TIAM2: variants seen among roughly 807,000 people sequenced by gnomAD.
TIAM2 encodes TIAM Rac1 associated GEF 2.
Under a neutral mutation model 152.9 loss-of-function variants are expected in TIAM2, and 80 were observed. That is an observed-to-expected ratio of 0.52 (90% CI 0.44 to 0.63). TIAM2 has a LOEUF of 0.63. Among genes scored for constraint, TIAM2 ranks in the 30% least tolerant of loss-of-function variants. The pLI, the probability that TIAM2 is intolerant of heterozygous loss-of-function variation, is 0.00. For synonymous variants in TIAM2, 804 were observed against 838.0 expected (o/e 0.96, Z 0.70); for missense variants, 1,965 against 2,120.1 (o/e 0.93, Z 1.44).
At chr6:155,250,518 T>C (rs1783590876) in intron 21 of TIAM2, 1 of 1,534,112 alleles carries the variant, frequency 6.5e-7, no homozygotes, top group Admixed American at 2.0e-5. Context: ...CCAGTTTCAA[T>C]GCTGGTGCTC....
chr6:155,175,205 G>A (rs11961049), intron 9 of TIAM2, among the ~76,000 whole-genome samples: 15,986 of 152,178 alleles, frequency 0.11, 1,293 homozygotes, highest in African/African-American at 0.23. Context: ...TACTGAAAGC[G>A]ACAGATCCAA....
At chr6:155,068,657 A>T (rs1440651167) in intron 1 of TIAM2, among the ~76,000 whole-genome samples, 1 of 147,868 alleles carries the variant, frequency 6.8e-6, no homozygotes, top group East Asian at 2.0e-4. Flanking sequence ...GGGTTTCACC[A>T]TGTTGGCCAG....
chr6:155,190,162 G>T (rs1193636134), intron 14 of TIAM2, among the ~76,000 whole-genome samples: 5 of 152,162 alleles, frequency 3.3e-5, no homozygotes, highest in Non-Finnish European at 7.4e-5. Flanking sequence ...AAAATATAGA[G>T]AACTTGTCTG....
At chr6:155,033,031 A>G (rs1383838588) in intron 1 of TIAM2, among the ~76,000 whole-genome samples, 5 of 152,154 alleles carry the variant, frequency 3.3e-5, no homozygotes, top group African/African-American at 9.7e-5. Flanking sequence ...GCTCTTGCCT[A>G]TGTGCCTGTT....
intron 1 of TIAM2, among the ~76,000 whole-genome samples, chr6:155,009,678 C>T (rs1778455478): frequency 6.6e-6 from 1 of 151,964 alleles, no homozygotes; most frequent in Non-Finnish European, 1.5e-5. Context: ...GAAACCAAGA[C>T]CCAAATATAT....
intron 1 of TIAM2, among the ~76,000 whole-genome samples, chr6:155,050,815 G>A (rs995519263): frequency 6.6e-6 from 1 of 152,104 alleles, no homozygotes; most frequent in African/African-American, 2.4e-5. Flanking sequence ...ATTAGTGTAG[G>A]CATCTATTTT....
chr6:155,172,231 G>A (rs372996256), intron 9 of TIAM2, among the ~76,000 whole-genome samples: 4 of 152,058 alleles, frequency 2.6e-5, no homozygotes, highest in African/African-American at 7.2e-5. Flanking sequence ...TTCCCGTGTC[G>A]TGATGGCCAG....
chr6:155,183,320 T>C lies in TIAM2; in HGVS notation c.2884T>C (p.Ser962Pro), dbSNP rs1197675510. Residue 962 changes from serine to proline, a missense_variant, in exon 14 of 27, where the codon TCT (serine) becomes CCT (proline). Coordinates refer to ENST00000682666, the MANE Select transcript of TIAM2 (RefSeq NM_012454.4). Reference protein sequence around the residue: ...LDLKQMEALFSEKSVGLTLIA... With the variant: ...LDLKQMEALFPEKSVGLTLIA... ...CCTTAAGCAGATGGAGGCCCTGTTTTCTGAGAAGAGCGTCGGACTCACTCT... is the reference window on the plus strand; with the variant it reads ...CCTTAAGCAGATGGAGGCCCTGTTTCCTGAGAAGAGCGTCGGACTCACTCT... 2 of 1,614,086 alleles carry C rather than the reference T, an allele frequency of 1.2e-6. No homozygotes were observed. Among genetic ancestry groups the C allele is most frequent in the Non-Finnish European group, 1.7e-6 (2 of 1,180,048 alleles).
chr6:155,201,892 T>A (rs538275127), intron 14 of TIAM2, among the ~76,000 whole-genome samples: 1 of 152,254 alleles, frequency 6.6e-6, no homozygotes, highest in Non-Finnish European at 1.5e-5. Context: ...CCAATTGGAA[T>A]GTGACCTCAG....
chr6:155,137,981 C>T (rs1344200773), intron 5 of TIAM2, among the ~76,000 whole-genome samples: 2 of 152,134 alleles, frequency 1.3e-5, no homozygotes, highest in South Asian at 2.1e-4. Flanking sequence ...GAATTATGGG[C>T]GTGGGCCACC....
intron 6 of TIAM2, among the ~76,000 whole-genome samples, chr6:155,146,606 T>C (rs905261398): frequency 1.3e-5 from 2 of 152,080 alleles, no homozygotes; most frequent in African/African-American, 4.8e-5. Context: ...TTATTATTAT[T>C]ATTATTTGAG....
At chr6:155,232,238 T>C (rs1227110942) in intron 15 of TIAM2, among the ~76,000 whole-genome samples, 1 of 151,974 alleles carries the variant, frequency 6.6e-6, no homozygotes, top group East Asian at 1.9e-4. Flanking sequence ...CAGAGTGAGT[T>C]GAGAAAAAGT....
At position 155,088,161 on chromosome 6, in the gene TIAM2, T is replaced by A. The variant is rs1261566632; in HGVS notation, c.-208-2128T>A. On this transcript the variant is annotated intron_variant, in intron 1 of 26. Coordinates refer to ENST00000682666, the MANE Select transcript of TIAM2 (RefSeq NM_012454.4). The stretch of plus-strand genomic sequence containing the variant: ...CCTCTGCCTCCCAGGTACAAGTGAT[T>A]CTTCTGCCTCAGCCTCCGGAGTAGC... Among the ~76,000 whole-genome samples the A allele has an allele frequency of 2.6e-5, 4 of 151,802 alleles. No homozygotes were observed. The East Asian group carries it at 5.8e-4, about 22-fold the overall frequency.
intron 1 of TIAM2, among the ~76,000 whole-genome samples, chr6:155,036,896 G>T (rs562664570): frequency 6.6e-6 from 1 of 152,222 alleles, no homozygotes; most frequent in South Asian, 2.1e-4. Flanking sequence ...GGGATTACAG[G>T]CATGAGCCAC....
chr6:155,250,538 C>T (rs1783592152), intron 21 of TIAM2: 2 of 1,535,644 alleles, frequency 1.3e-6, no homozygotes, highest in African/African-American at 1.4e-5. Context: ...CTTTTATCAG[C>T]AGCCCGAATG....
At chr6:155,106,108 A>G (rs1373076453) in intron 2 of TIAM2, among the ~76,000 whole-genome samples, 1 of 151,494 alleles carries the variant, frequency 6.6e-6, no homozygotes, top group African/African-American at 2.4e-5. Context: ...GGGTTCAGGC[A>G]ATTCTCCTGT....
intron 2 of TIAM2, among the ~76,000 whole-genome samples, chr6:155,109,425 G>A (rs893553391): frequency 2.6e-4 from 39 of 152,212 alleles, no homozygotes; most frequent in African/African-American, 9.4e-4. Flanking sequence ...TACTAGAAGG[G>A]CTAGAAAAAA....
At chr6:155,246,214 G>A (rs1201578154) in intron 19 of TIAM2, among the ~76,000 whole-genome samples, 4 of 152,128 alleles carry the variant, frequency 2.6e-5, no homozygotes, top group Non-Finnish European at 5.9e-5. Context: ...TTGCTCTTCG[G>A]TGTTTCTCTC....
Position 155,180,525 on chromosome 6 carries a change from T to G in TIAM2, c.2707+1069T>G, listed in dbSNP as rs528559455. Among the ~76,000 whole-genome samples, 210 of 152,348 alleles carry G rather than the reference T, an allele frequency of 1.4e-3. 1 individual carries two copies. Among genetic ancestry groups the G allele is most frequent in the African/African-American group, 4.9e-3 (203 of 41,578 alleles). ...TTCAAACTAATAATAAAGTTTATAA[T>G]ATGTTAAAATGTCCTTTTTAGGATG... is the stretch of plus-strand genomic sequence containing the variant. On this transcript the variant is annotated intron_variant, in intron 12 of 26. Transcript: ENST00000682666.
Sources: allele counts gnomAD v4.1 joint callset (sites outside exome capture counted in the v4.1 genomes callset), GRCh38; gene constraint gnomAD v4.1.1; transcripts MANE v1.5; gene names NCBI Gene and HGNC (gene_info 2026-07-23, HGNC 2026-07-21).